FRMD3: variants seen among roughly 807,000 people sequenced by gnomAD.
FRMD3 encodes the protein FERM domain containing 3, also known as FERM domain-containing protein 3.
In FRMD3, 33 loss-of-function variants were observed where a neutral mutation model predicts 70.2. The ratio of observed to expected loss-of-function variants is 0.47; its 90% CI spans 0.36 to 0.63. The LOEUF is 0.63. Ranked by LOEUF, FRMD3 falls within the 20% of genes least tolerant of loss-of-function variation. FRMD3 has a pLI of 0.00. For synonymous variants in FRMD3, 279 were observed against 255.9 expected (o/e 1.09, Z -0.86); for missense variants, 632 against 711.4 (o/e 0.89, Z 1.27).
chr9:83,442,910 CATGTCTTATGTTCATACTAATCTATACTT>C (rs532812846), intron 1 of FRMD3, among the ~76,000 whole-genome samples: 95 of 152,290 alleles, frequency 6.2e-4, no homozygotes, highest in Non-Finnish European at 1.2e-3. Context: ...ACTTCTGCAA[CATGTCTTATGTTCATACTAATCTATACTT>C]ATGTCTTATG....
rs1832060883 is a variant in FRMD3 at position 83,245,715 on chromosome 9, A to G, written c.*2203T>C. On this transcript the variant is annotated 3_prime_UTR_variant, in exon 14 of 14. Transcript: ENST00000304195. ...GGGCCAGATGATTTGTCATAGTCAG[A>G]ACTTTAGAGAAAATTATATGACGCA... The G allele has an allele frequency of 1.0e-6, 1 of 983,478 alleles. No homozygotes were observed. The highest frequency in any genetic ancestry group is 4.7e-5 in the South Asian group (1 of 21,252). The allele number at this position is 983,478 out of a possible 1,614,324, so 60.9% of individuals were successfully genotyped here. A position where few individuals can be genotyped will look rare whatever the true frequency, so the allele number is the denominator to read the frequency against.
chr9:83,261,411 T>C (rs191402124), intron 13 of FRMD3, among the ~76,000 whole-genome samples: 3 of 152,154 alleles, frequency 2.0e-5, no homozygotes, highest in Admixed American at 2.0e-4. Flanking sequence ...GAAATGGCTC[T>C]CACAAAGTCT....
intron 1 of FRMD3, among the ~76,000 whole-genome samples, chr9:83,473,106 G>C (rs964210698): frequency 2.0e-5 from 3 of 152,096 alleles, no homozygotes; most frequent in Non-Finnish European, 2.9e-5. Context: ...CAAAGACTTA[G>C]ATGTTCCCCC....
At position 83,349,746 on chromosome 9, in the gene FRMD3, AT is replaced by A; in HGVS notation, c.306del (p.Tyr103ThrfsTer7). 1 of 1,610,424 alleles carries A rather than the reference AT, an allele frequency of 6.2e-7. No homozygotes were observed. Among genetic ancestry groups the A allele is most frequent in the Non-Finnish European group, 8.5e-7 (1 of 1,177,424 alleles). ...AATTTCACTCTAAAGCACATGGTGT[AT>A]GGTGGATGAGCTGAAACATCATAAA... ...SIFKQMKTHP[P>X]YTMCFRVKFY... On this transcript the variant is annotated frameshift_variant, in exon 4 of 14. Coordinates refer to ENST00000304195, the MANE Select transcript of FRMD3 (RefSeq NM_174938.6). LOFTEE classifies it high-confidence loss of function.
chr9:83,482,661 G>A (rs561317793), intron 1 of FRMD3, among the ~76,000 whole-genome samples: 1 of 152,284 alleles, frequency 6.6e-6, no homozygotes, highest in South Asian at 2.1e-4. Flanking sequence ...AATTCCTGAA[G>A]CCAGAAGCTG....
intron 5 of FRMD3, among the ~76,000 whole-genome samples, chr9:83,336,497 G>C (rs901270499): frequency 2.0e-5 from 3 of 150,986 alleles, no homozygotes; most frequent in African/African-American, 7.3e-5. Context: ...TGCCTGCTCT[G>C]AGGCTTATGC....
intron 12 of FRMD3, among the ~76,000 whole-genome samples, chr9:83,291,785 C>T (rs1032129886): frequency 8.5e-5 from 13 of 152,158 alleles, no homozygotes; most frequent in African/African-American, 3.1e-4. Flanking sequence ...CTAAAGTGCA[C>T]CAAATGCAAT....
At chr9:83,419,338 T>C (rs1264164200) in intron 1 of FRMD3, among the ~76,000 whole-genome samples, 3 of 152,148 alleles carry the variant, frequency 2.0e-5, no homozygotes, top group Non-Finnish European at 4.4e-5. Flanking sequence ...AAAGAAAATA[T>C]TTGTTAGGAG....
chr9:83,494,195 T>C (rs1828890355), intron 1 of FRMD3, among the ~76,000 whole-genome samples: 1 of 152,170 alleles, frequency 6.6e-6, no homozygotes, highest in Admixed American at 6.5e-5. Context: ...TAGTAACACA[T>C]AAACGTGGGA....
At chr9:83,344,789 G>A (rs1015715003) in intron 4 of FRMD3, among the ~76,000 whole-genome samples, 7 of 151,200 alleles carry the variant, frequency 4.6e-5, no homozygotes, top group Non-Finnish European at 8.8e-5. Context: ...ATCTCATTAT[G>A]TATGAAAGGG....
At chr9:83,534,548 G>A (rs1829852269) in intron 1 of FRMD3, among the ~76,000 whole-genome samples, 1 of 152,212 alleles carries the variant, frequency 6.6e-6, no homozygotes, top group Non-Finnish European at 1.5e-5. Flanking sequence ...GAGGCACACT[G>A]AAGAGGCACA....
At chr9:83,450,236 C>G (rs943224808) in intron 1 of FRMD3, among the ~76,000 whole-genome samples, 2 of 152,042 alleles carry the variant, frequency 1.3e-5, no homozygotes, top group African/African-American at 4.8e-5. Flanking sequence ...CACAGACACA[C>G]ACACACACAT....
chr9:83,479,710 A>AAGAAAGAAAG (rs1828507470), intron 1 of FRMD3, among the ~76,000 whole-genome samples: 1 of 85,322 alleles, frequency 1.2e-5, no homozygotes, highest in Non-Finnish European at 2.3e-5. Flanking sequence ...GAAAGAAAGA[A>AAGAAAGAAAG]AGAAAGAAAG....
the FRMD3 span, among the ~76,000 whole-genome samples, chr9:83,559,743 T>A: frequency 9.2e-5 from 14 of 152,300 alleles, no homozygotes; most frequent in East Asian, 2.5e-3. Context: ...CATAAATTTG[T>A]CAAAAGTCAT....
At chr9:83,252,348 C>G (rs1251784218) in intron 13 of FRMD3, among the ~76,000 whole-genome samples, 2 of 152,162 alleles carry the variant, frequency 1.3e-5, no homozygotes, top group African/African-American at 4.8e-5. Flanking sequence ...ACTGTACCAG[C>G]CTTGCAAGAG....
intron 1 of FRMD3, among the ~76,000 whole-genome samples, chr9:83,390,110 A>C (rs1030405210): frequency 6.6e-6 from 1 of 152,222 alleles, no homozygotes; most frequent in African/African-American, 2.4e-5. Context: ...TCCTCGGTAC[A>C]TATTCATTCA....
intron 1 of FRMD3, among the ~76,000 whole-genome samples, chr9:83,421,388 T>C (rs1458770299): frequency 6.6e-6 from 1 of 152,156 alleles, no homozygotes; most frequent in Admixed American, 6.5e-5. Flanking sequence ...GGCCTTGCAA[T>C]TCACATTTTT....
chr9:83,255,071 CA>C (rs1832636530), intron 13 of FRMD3, among the ~76,000 whole-genome samples: 1 of 152,052 alleles, frequency 6.6e-6, no homozygotes, highest in Non-Finnish European at 1.5e-5. Flanking sequence ...GGCAGAGATA[CA>C]ACGAAAAAAG....
At chr9:83,399,130 A>C (rs1411418572) in intron 1 of FRMD3, among the ~76,000 whole-genome samples, 1 of 152,178 alleles carries the variant, frequency 6.6e-6, no homozygotes, top group Non-Finnish European at 1.5e-5. Context: ...AAGACAAAGA[A>C]ATAGTGCATC....
Sources: allele counts gnomAD v4.1 joint callset (sites outside exome capture counted in the v4.1 genomes callset), GRCh38; gene constraint gnomAD v4.1.1; transcripts MANE v1.5; gene names NCBI Gene and HGNC (gene_info 2026-07-23, HGNC 2026-07-21).